MYO1D: variants seen among roughly 807,000 people sequenced by gnomAD.
MYO1D encodes unconventional myosin-Id.
Under a neutral mutation model 122.0 loss-of-function variants are expected in MYO1D, and 83 were observed. The observed-to-expected ratio is 0.68, with a 90% CI of 0.57 to 0.82. The LOEUF is 0.82. Among genes scored for constraint, MYO1D ranks in the 40% least tolerant of loss-of-function variants. The probability of loss-of-function intolerance (pLI) is 0.00; values close to 1 mark genes in which losing one functional copy is unlikely to be tolerated. For synonymous variants in MYO1D, 464 were observed against 446.9 expected (o/e 1.04, Z -0.48); for missense variants, 1,157 against 1,269.5 (o/e 0.91, Z 1.35).
chr17:32,558,162 G>A (rs1456084990), intron 21 of MYO1D, among the ~76,000 whole-genome samples: 1 of 151,920 alleles, frequency 6.6e-6, no homozygotes, highest in African/African-American at 2.4e-5. Context: ...GGAAACCATG[G>A]GATGATAAAA....
Position 32,511,053 on chromosome 17 carries a change from C to T in MYO1D, c.2865-16138G>A, listed in dbSNP as rs372617398. 2.0e-5 allele frequency among the ~76,000 whole-genome samples: 3 copies of T among 152,176 alleles called. No homozygotes were observed. The East Asian group carries it at 5.8e-4, about 29-fold the overall frequency. The stretch of plus-strand genomic sequence containing the variant: ...AGCAGTTGTGAGCAGAGGGCTGGGG[C>T]CACCTCAGTGGGACGCCTGGGCCAG... On this transcript the variant is annotated intron_variant, in intron 21 of 21. Coordinates refer to ENST00000318217, the MANE Select transcript of MYO1D (RefSeq NM_015194.3).
intron 16 of MYO1D, among the ~76,000 whole-genome samples, chr17:32,678,493 G>A (rs2088858239): frequency 6.8e-6 from 1 of 147,982 alleles, no homozygotes; most frequent in Non-Finnish European, 1.5e-5. Context: ...CCACCTATGA[G>A]TGAGAATATG....
At chr17:32,645,228 T>C (rs1257959053) in intron 19 of MYO1D, among the ~76,000 whole-genome samples, 1 of 152,230 alleles carries the variant, frequency 6.6e-6, no homozygotes, top group African/African-American at 2.4e-5. Context: ...TTTAAGAATG[T>C]TGAATATTGG....
At chr17:32,504,883 C>T (rs900646682) in intron 21 of MYO1D, 10 of 152,384 alleles carry the variant, frequency 6.6e-5, no homozygotes, top group African/African-American at 2.2e-4. Context: ...GAGGTGTCGT[C>T]TGCACGGTCA....
chr17:32,625,412 A>G (rs543279861), intron 20 of MYO1D, among the ~76,000 whole-genome samples: 10 of 152,216 alleles, frequency 6.6e-5, no homozygotes, highest in African/African-American at 2.4e-4. Flanking sequence ...CTTCTCTGAG[A>G]ATTTATTTCA....
intron 21 of MYO1D, among the ~76,000 whole-genome samples, chr17:32,539,635 T>C (rs1910777921): frequency 6.6e-6 from 1 of 152,204 alleles, no homozygotes; most frequent in African/African-American, 2.4e-5. Context: ...TCTGTGAGTG[T>C]TAAATCTCCC....
At chr17:32,761,108 G>A (rs138559151) in intron 8 of MYO1D, among the ~76,000 whole-genome samples, 2 of 152,206 alleles carry the variant, frequency 1.3e-5, no homozygotes, top group East Asian at 1.9e-4. Flanking sequence ...CCTGAGAATC[G>A]AACACACATC....
At chr17:32,580,452 C>A (rs1203812838) in intron 21 of MYO1D, among the ~76,000 whole-genome samples, 1 of 145,006 alleles carries the variant, frequency 6.9e-6, no homozygotes, top group Non-Finnish European at 1.5e-5. Flanking sequence ...CTCTGTCACC[C>A]AGGCTGGAGT....
In MYO1D at chr17:32,817,395, C is replaced by A. The variant is rs371421080; in HGVS notation, c.96-36611G>T. Among the ~76,000 whole-genome samples, 14 of 152,152 alleles carry A rather than the reference C, an allele frequency of 9.2e-5. 1 individual carries two copies. Among genetic ancestry groups the A allele is most frequent in the African/African-American group, 3.4e-4 (14 of 41,428 alleles). On this transcript the variant is annotated intron_variant, in intron 1 of 21. Transcript: ENST00000318217. ...AGCAACAAAAAACTTGGAACAAGAA[C>A]ATATTTGTACCTCTCTTAATTACAG...
intron 21 of MYO1D, among the ~76,000 whole-genome samples, chr17:32,600,305 T>C (rs1428219550): frequency 6.6e-6 from 1 of 152,208 alleles, no homozygotes. Context: ...CAGTGAGCAC[T>C]GGCTTCAACT....
At chr17:32,838,312 A>T (rs1448475254) in intron 1 of MYO1D, among the ~76,000 whole-genome samples, 34 of 152,188 alleles carry the variant, frequency 2.2e-4, no homozygotes. Context: ...CTTCAGATTT[A>T]TGATGCATAC....
chr17:32,774,056 T>A (rs1275217000), intron 4 of MYO1D, among the ~76,000 whole-genome samples: 1 of 152,122 alleles, frequency 6.6e-6, no homozygotes, highest in Non-Finnish European at 1.5e-5. Context: ...CCTCAGCCTG[T>A]GCTCTCCCAC....
intron 21 of MYO1D, among the ~76,000 whole-genome samples, chr17:32,598,855 A>G (rs1440179300): frequency 1.3e-5 from 2 of 152,248 alleles, no homozygotes; most frequent in Non-Finnish European, 2.9e-5. Flanking sequence ...GTTAAATCCA[A>G]TGAGAGTGCT....
intron 14 of MYO1D, among the ~76,000 whole-genome samples, chr17:32,723,677 C>G (rs1478204736): frequency 6.6e-6 from 1 of 151,934 alleles, no homozygotes; most frequent in Non-Finnish European, 1.5e-5. Context: ...GTGAAGAAGC[C>G]CGGGATTAAA....
chr17:32,563,204 C>CTTTTTTTTT (rs749819200), intron 21 of MYO1D, among the ~76,000 whole-genome samples: 12 of 105,140 alleles, frequency 1.1e-4, no homozygotes, highest in East Asian at 2.7e-4. Context: ...TTTTTCTTCT[C>CTTTTTTTTT]TCTTTTTTTT....
chr17:32,566,365 C>T (rs1339172250), intron 21 of MYO1D, among the ~76,000 whole-genome samples: 2 of 152,072 alleles, frequency 1.3e-5, no homozygotes, highest in African/African-American at 4.8e-5. Context: ...TGCACGGGGG[C>T]TTGGGGAAGA....
chr17:32,497,474 C>A (rs73274219), intron 21 of MYO1D: 1 of 152,106 alleles, frequency 6.6e-6, no homozygotes, highest in Non-Finnish European at 1.5e-5. Flanking sequence ...ATAAATAAAT[C>A]GGCACCCAGG....
At chr17:32,524,997 C>T (rs1173103103) in intron 21 of MYO1D, among the ~76,000 whole-genome samples, 12 of 152,252 alleles carry the variant, frequency 7.9e-5, no homozygotes, top group Admixed American at 7.9e-4. Flanking sequence ...GCCACCACAC[C>T]TAGCCTACAT....
chr17:32,747,547 G>A (rs2151008254), intron 12 of MYO1D, among the ~76,000 whole-genome samples: 1 of 152,112 alleles, frequency 6.6e-6, no homozygotes, highest in South Asian at 2.1e-4. Flanking sequence ...TTAAAATAGA[G>A]GCAGAGCGGC....
Sources: gnomAD v4.1 joint callset for allele counts (sites outside exome capture counted in the v4.1 genomes callset) on GRCh38, gnomAD v4.1.1 for gene constraint, MANE v1.5 for transcripts, NCBI Gene and HGNC (gene_info 2026-07-23, HGNC 2026-07-21) for gene names.